RPIA: variants seen among roughly 807,000 people sequenced by gnomAD.
RPIA encodes the protein ribose-5-phosphate isomerase.
Under a neutral mutation model 37.8 loss-of-function variants are expected in RPIA, and 29 were observed. That is an observed-to-expected ratio of 0.77 (90% confidence interval 0.57 to 1.05). RPIA has a LOEUF of 1.05. Among genes scored for constraint, RPIA ranks in the 50% least tolerant of loss-of-function variants. The probability of loss-of-function intolerance (pLI) is 0.00; values close to 1 mark genes in which losing one functional copy is unlikely to be tolerated. For synonymous variants in RPIA, 167 were observed against 157.0 expected (o/e 1.06, Z -0.48); for missense variants, 385 against 413.6 (o/e 0.93, Z 0.60).
At chr2:88,722,526 G>A (rs945885146) in intron 3 of RPIA, among the ~76,000 whole-genome samples, 5 of 152,118 alleles carry the variant, frequency 3.3e-5, no homozygotes, top group Admixed American at 6.5e-5. Flanking sequence ...AGGACCTAAC[G>A]GACTCCATCT....
intron 3 of RPIA, among the ~76,000 whole-genome samples, chr2:88,708,505 C>T (rs1029841593): frequency 3.9e-5 from 6 of 152,106 alleles, no homozygotes; most frequent in East Asian, 1.9e-4. Context: ...AGGAGTACAC[C>T]GTAAAAAGAA....
At chr2:88,722,947 G>A (rs1245868337) in intron 3 of RPIA, among the ~76,000 whole-genome samples, 1 of 152,152 alleles carries the variant, frequency 6.6e-6, no homozygotes, top group East Asian at 1.9e-4. Context: ...AAGAACATTT[G>A]TTTGTTTTTT....
chr2:88,696,160 G>A (rs1299276198), intron 1 of RPIA, among the ~76,000 whole-genome samples: 2 of 152,118 alleles, frequency 1.3e-5, no homozygotes, highest in Admixed American at 1.3e-4. Flanking sequence ...TTTACTATGG[G>A]CTTTCCTTTG....
At chr2:88,700,107 A>C in intron 3 of RPIA, 43 bp downstream of exon 3, 1 of 1,587,190 alleles carries the variant, frequency 6.3e-7, no homozygotes, top group Non-Finnish European at 8.7e-7. Flanking sequence ...CTTCTGCTGT[A>C]TCTTCTGGTT....
In RPIA at chr2:88,750,189, T is replaced by TGGG; in HGVS notation, c.*115_*117dup. On this transcript the variant is annotated 3_prime_UTR_variant, in exon 9 of 9. Coordinates refer to ENST00000283646, the MANE Select transcript of RPIA (RefSeq NM_144563.3). Reference sequence around the variant, plus strand: ...GTATCTCTGCCTGGACAACTTGTGGTGGGGGGTGGGGGGAAGAGTGGGAGG... The same window carrying TGGG: ...GTATCTCTGCCTGGACAACTTGTGGTGGGGGGGGGTGGGGGGAAGAGTGGGAGG... 2 of 524,400 alleles carry TGGG rather than the reference T, an allele frequency of 3.8e-6. No homozygotes were observed. 32.5% of individuals were successfully genotyped at this position (524,400 alleles called of 1,614,324 possible).
intron 3 of RPIA, among the ~76,000 whole-genome samples, chr2:88,715,195 G>T (rs925767100): frequency 6.6e-6 from 1 of 152,144 alleles, no homozygotes; most frequent in South Asian, 2.1e-4. Context: ...GGATTTTAAG[G>T]GTTTTGGAAT....
intron 3 of RPIA, among the ~76,000 whole-genome samples, chr2:88,719,337 A>G (rs1573469292): frequency 6.6e-6 from 1 of 152,208 alleles, no homozygotes; most frequent in Non-Finnish European, 1.5e-5. Context: ...ATTTTGGAAC[A>G]CATACCAATA....
chr2:88,721,571 A>AC (rs1156741297), intron 3 of RPIA, among the ~76,000 whole-genome samples: 583 of 22,860 alleles, frequency 0.026, 12 homozygotes, highest in Non-Finnish European at 0.032. Context: ...ACACACACAC[A>AC]CCCCCCCCCC....
intron 8 of RPIA, among the ~76,000 whole-genome samples, chr2:88,747,384 C>T (rs7579200): frequency 0.06 from 9,209 of 152,270 alleles, 491 homozygotes; most frequent in African/African-American, 0.14. Flanking sequence ...TCTCAGGCCT[C>T]GCCCCTCCCT....
At chr2:88,692,086 G>A in intron 1 of RPIA, 103 bp downstream of exon 1, 1 of 1,422,408 alleles carries the variant, frequency 7.0e-7, no homozygotes, top group Non-Finnish European at 9.5e-7. Flanking sequence ...TCCTGGCAGG[G>A]CGGGAGCTGA....
chr2:88,693,787 T>C (rs1676976505), intron 1 of RPIA, among the ~76,000 whole-genome samples: 2 of 152,224 alleles, frequency 1.3e-5, no homozygotes, highest in South Asian at 4.1e-4. Context: ...AGTTCCAATA[T>C]GGTGACCACT....
At chr2:88,734,472 G>A (rs1673290982) in intron 4 of RPIA, 80 bp from the exon 5 acceptor site, 2 of 1,329,910 alleles carry the variant, frequency 1.5e-6, no homozygotes, top group South Asian at 1.2e-5. Flanking sequence ...CTGAGTATCT[G>A]ATGAGCTATC....
chr2:88,737,778 CA>C lies in RPIA; in HGVS notation c.739-186del, dbSNP rs57418305. On this transcript the variant is annotated intron_variant, in intron 7 of 8. Transcript: ENST00000283646. ...AGGCTTGTATCCTCTCTCTCTCTCT[CA>C]AAAAAAAAAAAAGACTACAATCTAA... Among the ~76,000 whole-genome samples, 928 of 140,268 alleles carry C rather than the reference CA, an allele frequency of 6.6e-3. 7 individuals are homozygous for C. Among genetic ancestry groups the C allele is most frequent in the African/African-American group, 0.015 (586 of 38,726 alleles). 92.0% of individuals were successfully genotyped at this position (140,268 alleles called of 152,430 possible).
At chr2:88,740,555 G>C (rs1409277856) in intron 8 of RPIA, among the ~76,000 whole-genome samples, 1 of 152,158 alleles carries the variant, frequency 6.6e-6, no homozygotes, top group Non-Finnish European at 1.5e-5. Context: ...AGTATGTGAG[G>C]ACGCTTAGAA....
chr2:88,740,216 G>T (rs542016248), intron 8 of RPIA, among the ~76,000 whole-genome samples: 22 of 152,270 alleles, frequency 1.4e-4, no homozygotes, highest in Non-Finnish European at 2.5e-4. Flanking sequence ...CTTGCTCCTG[G>T]TTAGACCTTG....
At chr2:88,717,490 A>C (rs1673050851) in intron 3 of RPIA, among the ~76,000 whole-genome samples, 1 of 152,182 alleles carries the variant, frequency 6.6e-6, no homozygotes, top group Non-Finnish European at 1.5e-5. Context: ...TAGGTAAATA[A>C]GAGACAAATG....
At chr2:88,702,212 T>C (rs1672841232) in intron 3 of RPIA, among the ~76,000 whole-genome samples, 2 of 152,242 alleles carry the variant, frequency 1.3e-5, no homozygotes, top group African/African-American at 4.8e-5. Context: ...AAAGTAACTT[T>C]CCTGTTAACC....
At chr2:88,720,373 A>G (rs1178431315) in intron 3 of RPIA, among the ~76,000 whole-genome samples, 1 of 152,164 alleles carries the variant, frequency 6.6e-6, no homozygotes, top group Non-Finnish European at 1.5e-5. Context: ...ACAGAATATT[A>G]TGTTGGAAGA....
At chr2:88,697,956 A>G (rs372338108) in intron 1 of RPIA, among the ~76,000 whole-genome samples, 2 of 152,094 alleles carry the variant, frequency 1.3e-5, no homozygotes, top group South Asian at 4.1e-4. Context: ...CTGAAGCCAG[A>G]AGCCTTAGCT....
Sources: gnomAD v4.1 joint callset for allele counts (sites outside exome capture counted in the v4.1 genomes callset) on GRCh38, gnomAD v4.1.1 for gene constraint, MANE v1.5 for transcripts, NCBI Gene and HGNC (gene_info 2026-07-23, HGNC 2026-07-21) for gene names.